PPM1L: variants seen among roughly 807,000 people sequenced by gnomAD.
PPM1L encodes protein phosphatase 1L.
PPM1L carries 13 observed loss-of-function variants against 31.4 expected under a neutral mutation model. That is an observed-to-expected ratio of 0.41 (90% CI 0.27 to 0.66). The LOEUF is 0.66. Ranked by LOEUF, PPM1L falls within the 30% of genes least tolerant of loss-of-function variation. The pLI, the probability that PPM1L is intolerant of heterozygous loss-of-function variation, is 0.29. For synonymous variants in PPM1L, 184 were observed against 175.4 expected, an observed-to-expected ratio of 1.05 and a Z score of -0.39; for missense variants, 326 against 453.7, an observed-to-expected ratio of 0.72 and a Z score of 2.56.
chr3:160,925,430 ATCAAT>A (rs576077699), intron 1 of PPM1L, among the ~76,000 whole-genome samples: 19 of 152,228 alleles, frequency 1.2e-4, no homozygotes, highest in Non-Finnish European at 7.3e-5. Context: ...TGATCAAAAC[ATCAAT>A]TCAATTGAGT....
At chr3:160,963,597 T>C (rs1559905573) in intron 2 of PPM1L, among the ~76,000 whole-genome samples, 1 of 152,052 alleles carries the variant, frequency 6.6e-6, no homozygotes, top group Non-Finnish European at 1.5e-5. Context: ...CATGAAATTC[T>C]GTAGAGGGGG....
chr3:160,988,790 T>C (rs754680321), intron 2 of PPM1L, among the ~76,000 whole-genome samples: 1 of 152,178 alleles, frequency 6.6e-6, no homozygotes, highest in Non-Finnish European at 1.5e-5. Context: ...ACCTGCTTCC[T>C]CTGTTCAGAT....
At chr3:160,948,619 C>A (rs1284789839) in intron 1 of PPM1L, among the ~76,000 whole-genome samples, 1 of 152,126 alleles carries the variant, frequency 6.6e-6, no homozygotes, top group African/African-American at 2.4e-5. Flanking sequence ...ATTCCAGGTG[C>A]TCCCTTGCAT....
chr3:161,010,937 T>C (rs1717873122), intron 2 of PPM1L, among the ~76,000 whole-genome samples: 2 of 152,228 alleles, frequency 1.3e-5, no homozygotes. Context: ...CATGAGTAGA[T>C]TGCAAAAATT....
chr3:161,051,456 A>G (rs1287451541), intron 2 of PPM1L, among the ~76,000 whole-genome samples: 6 of 152,174 alleles, frequency 3.9e-5, no homozygotes, highest in East Asian at 1.9e-4. Context: ...TGAGGGAGAA[A>G]GAGGGTCATC....
At chr3:160,871,381 G>A (rs968158361) in intron 1 of PPM1L, among the ~76,000 whole-genome samples, 1 of 152,170 alleles carries the variant, frequency 6.6e-6, no homozygotes, top group Non-Finnish European at 1.5e-5. Flanking sequence ...AGGTCTTCAT[G>A]CACATGAAGT....
intron 2 of PPM1L, among the ~76,000 whole-genome samples, chr3:160,996,871 GCA>G (rs1163604067): frequency 6.6e-6 from 1 of 152,168 alleles, no homozygotes; most frequent in Non-Finnish European, 1.5e-5. Context: ...TGTTCACAGA[GCA>G]CAGATACAAA....
At chr3:160,970,694 GTGAT>G (rs1487765793) in intron 2 of PPM1L, among the ~76,000 whole-genome samples, 2 of 151,576 alleles carry the variant, frequency 1.3e-5, no homozygotes, top group Non-Finnish European at 2.9e-5. Flanking sequence ...CTGACCTCAA[GTGAT>G]TCACCCACCT....
chr3:160,791,728 ATGAG>A (rs1185427169), intron 1 of PPM1L, among the ~76,000 whole-genome samples: 5 of 152,194 alleles, frequency 3.3e-5, no homozygotes, highest in Admixed American at 2.0e-4. Flanking sequence ...CGGAGAAATA[ATGAG>A]TGTTAGGAAT....
chr3:160,995,319 T>C (rs1045936649), intron 2 of PPM1L, among the ~76,000 whole-genome samples: 2 of 151,598 alleles, frequency 1.3e-5, no homozygotes, highest in Admixed American at 6.6e-5. Flanking sequence ...TAGGTAGAGA[T>C]TTTTTTTTCT....
chr3:160,944,823 A>ATATAACATATATTAGT (rs1559896985), intron 1 of PPM1L, among the ~76,000 whole-genome samples: 1 of 16,698 alleles, frequency 6.0e-5, no homozygotes, highest in African/African-American at 1.7e-4. Flanking sequence ...TATATATGTT[A>ATATAACATATATTAGT]TATATAACAT....
At chr3:161,021,964 CT>C (rs1219695640) in intron 2 of PPM1L, among the ~76,000 whole-genome samples, 1 of 151,818 alleles carries the variant, frequency 6.6e-6, no homozygotes, top group African/African-American at 2.4e-5. Flanking sequence ...TAATCTCTGC[CT>C]TTTTATTAGA....
At chr3:161,005,418 A>G (rs1717671343) in intron 2 of PPM1L, among the ~76,000 whole-genome samples, 1 of 152,230 alleles carries the variant, frequency 6.6e-6, no homozygotes, top group Non-Finnish European at 1.5e-5. Context: ...AAAAAGTGAT[A>G]TGTATTATGA....
At chr3:160,906,130 C>T (rs1466620989) in intron 1 of PPM1L, among the ~76,000 whole-genome samples, 1 of 151,446 alleles carries the variant, frequency 6.6e-6, no homozygotes, top group Non-Finnish European at 1.5e-5. Flanking sequence ...TATATTTTTC[C>T]CTCGGTGCTT....
chr3:160,949,631 C>T (rs1715512309), intron 1 of PPM1L, among the ~76,000 whole-genome samples: 1 of 152,098 alleles, frequency 6.6e-6, no homozygotes, highest in Admixed American at 6.6e-5. Flanking sequence ...CACCCATTCC[C>T]CATCCTTTTC....
chr3:160,953,560 G>A (rs1715640863), intron 1 of PPM1L, among the ~76,000 whole-genome samples: 3 of 152,146 alleles, frequency 2.0e-5, no homozygotes, highest in Admixed American at 2.0e-4. Context: ...TACTAAAAGT[G>A]ATTTGAAACA....
intron 1 of PPM1L, among the ~76,000 whole-genome samples, chr3:160,758,953 C>T (rs1298792195): frequency 6.6e-6 from 1 of 152,116 alleles, no homozygotes; most frequent in African/African-American, 2.4e-5. Context: ...CCAGTTAGTT[C>T]ATTTTGGCTT....
chr3:161,051,381 C>CACAA (rs879378364), intron 2 of PPM1L, among the ~76,000 whole-genome samples: 1,716 of 149,086 alleles, frequency 0.012, 47 homozygotes, highest in African/African-American at 0.042. Flanking sequence ...ACTACACACA[C>CACAA]ACACACACAC....
rs181758911 is a variant in PPM1L at position 160,936,246 on chromosome 3, C to T, written c.400-25490C>T. ...CTGGGATTACAGGTGCCCACCACCA[C>T]GCCCGGCTAATATTTTTTGTATTTT... is the stretch of plus-strand genomic sequence containing the variant. On this transcript the variant is annotated intron_variant, in intron 1 of 3. Coordinates refer to ENST00000498165, the MANE Select transcript of PPM1L (RefSeq NM_139245.4). Among the ~76,000 whole-genome samples, 652 of 152,178 alleles carry T rather than the reference C, an allele frequency of 4.3e-3. 7 individuals carry two copies. Among genetic ancestry groups the T allele is most frequent in the African/African-American group, 0.015 (616 of 41,506 alleles).
Sources: allele counts gnomAD v4.1 joint callset (sites outside exome capture counted in the v4.1 genomes callset), GRCh38; gene constraint gnomAD v4.1.1; transcripts MANE v1.5; gene names NCBI Gene and HGNC (gene_info 2026-07-23, HGNC 2026-07-21).